The following CSTF3 variants were observed in gnomAD, a reference collection of about 807,000 sequenced individuals.
CSTF3 encodes the protein CF-1 77 kDa subunit.
In CSTF3, 29 loss-of-function variants were observed where a neutral mutation model predicts 105.8. The ratio of observed to expected loss-of-function variants is 0.27; its 90% CI spans 0.20 to 0.37. CSTF3 has a LOEUF of 0.37. Among genes scored for constraint, CSTF3 ranks in the 10% least tolerant of loss-of-function variants. The pLI is 1.00. For synonymous variants in CSTF3, 252 were observed against 281.9 expected, an observed-to-expected ratio of 0.89 and a Z score of 1.06; for missense variants, 357 against 879.3, an observed-to-expected ratio of 0.41 and a Z score of 7.51.
intron 7 of CSTF3, 32 bp downstream of exon 7, chr11:33,105,851 T>C: frequency 1.3e-6 from 2 of 1,544,064 alleles, no homozygotes; most frequent in South Asian, 1.2e-5. Context: ...AAATCAACTG[T>C]AGATGTAAAA....
At chr11:33,124,622 C>T (rs1855525044) in intron 3 of CSTF3, among the ~76,000 whole-genome samples, 1 of 152,140 alleles carries the variant, frequency 6.6e-6, no homozygotes, top group Non-Finnish European at 1.5e-5. Context: ...TGAAAACTTT[C>T]ATTGGAACAG....
intron 3 of CSTF3, among the ~76,000 whole-genome samples, chr11:33,131,229 G>T (rs1486977571): frequency 6.6e-6 from 1 of 152,062 alleles, no homozygotes; most frequent in African/African-American, 2.4e-5. Context: ...GGATAACCTG[G>T]CTACACAGAA....
At chr11:33,095,798 G>A (rs1855215454) in intron 15 of CSTF3, among the ~76,000 whole-genome samples, 2 of 142,116 alleles carry the variant, frequency 1.4e-5, no homozygotes, top group Admixed American at 7.3e-5. Context: ...CTCCAGCCTG[G>A]GCGACAGCGA....
chr11:33,092,547 AG>A (rs1312287462), intron 15 of CSTF3, among the ~76,000 whole-genome samples: 1 of 152,232 alleles, frequency 6.6e-6, no homozygotes, highest in African/African-American at 2.4e-5. Flanking sequence ...GTAGCAGAGC[AG>A]TAACTGCAAG....
At position 33,107,982 on chromosome 11, in the gene CSTF3, T is replaced by C; in HGVS notation, c.277A>G (p.Met93Val). The C allele has an allele frequency of 6.2e-7, 1 of 1,606,976 alleles. No homozygotes were observed. Among genetic ancestry groups the C allele is most frequent in the Non-Finnish European group, 8.5e-7 (1 of 1,175,990 alleles). The change falls in exon 5 of 21, where the codon ATG becomes GTG. Residue 93 changes from methionine (M) to valine (V), a missense_variant. Coordinates refer to ENST00000323959, the MANE Select transcript of CSTF3 (RefSeq NM_001326.3). ...CATAAATCAATGTGCAAAACCTTCATAAGGCATCTCTGAAATAGCTTTAAA... is the reference window on the plus strand; with the variant it reads ...CATAAATCAATGTGCAAAACCTTCACAAGGCATCTCTGAAATAGCTTTAAA... ...KVEKLFQRCL[M>V]KVLHIDLWKC...
At chr11:33,150,595 G>A (rs373827161) in intron 1 of CSTF3, among the ~76,000 whole-genome samples, 1 of 152,154 alleles carries the variant, frequency 6.6e-6, no homozygotes, top group African/African-American at 2.4e-5. Flanking sequence ...AGTGGCTCAC[G>A]CCTATAATCC....
At chr11:33,116,381 G>C (rs1855431187) in intron 3 of CSTF3, among the ~76,000 whole-genome samples, 1 of 152,128 alleles carries the variant, frequency 6.6e-6, no homozygotes, top group African/African-American at 2.4e-5. Context: ...TTTTGTGTAT[G>C]CTCTATGTCC....
At chr11:33,089,004 G>GT (rs1565001129) in intron 17 of CSTF3, among the ~76,000 whole-genome samples, 1 of 152,204 alleles carries the variant, frequency 6.6e-6, no homozygotes, top group Non-Finnish European at 1.5e-5. Flanking sequence ...ACAAAGTACA[G>GT]TAAGTCCCTC....
At chr11:33,091,690 T>C (rs1855170627) in intron 16 of CSTF3, among the ~76,000 whole-genome samples, 1 of 152,150 alleles carries the variant, frequency 6.6e-6, no homozygotes, top group Non-Finnish European at 1.5e-5. Flanking sequence ...TATCAATTTC[T>C]AGGGAGAGAG....
chr11:33,118,326 G>T (rs1855454388), intron 3 of CSTF3, among the ~76,000 whole-genome samples: 1 of 151,718 alleles, frequency 6.6e-6, no homozygotes, highest in African/African-American at 2.4e-5. Flanking sequence ...GCTCAGATTT[G>T]ATTTTGTCCC....
chr11:33,131,526 A>T (rs1855598649), intron 3 of CSTF3, among the ~76,000 whole-genome samples: 1 of 152,128 alleles, frequency 6.6e-6, no homozygotes, highest in African/African-American at 2.4e-5. Context: ...ATGGAGGAAA[A>T]ATCTAAGCAT....
Position 33,099,147 on chromosome 11 carries a change from T to C in CSTF3, c.940A>G (p.Met314Val). ...TCACTAAATAATTTGGCATTATTCA[T>C]ATCCTGGTAGAAAAAAAAGAAAGCT... ...SSKLLAEKGD[M>V]NNAKLFSDEA... The change falls in exon 12 of 21, where the codon ATG becomes GTG. Residue 314 changes from methionine (M) to valine (V), a missense_variant. By Grantham distance (21) the Met-to-Val change is conservative. Around this residue, in one of 4 missense-constraint regions of CSTF3, gnomAD observed 206 missense variants for 576.5 expected, o/e 0.36. Coordinates refer to ENST00000323959, the MANE Select transcript of CSTF3 (RefSeq NM_001326.3). This position sits in a 1 kb window ranked among gnomAD's most constrained non-coding sequence, Gnocchi z 4.1. The C allele has an allele frequency of 6.4e-7, 1 of 1,574,426 alleles. No homozygotes were observed. Among genetic ancestry groups the C allele is most frequent in the Non-Finnish European group, 8.5e-7 (1 of 1,171,392 alleles).
Position 33,102,165 on chromosome 11 carries a change from T to A in CSTF3, c.826+12A>T. 6.2e-7 allele frequency: 1 copy of A among 1,612,096 alleles called. No homozygotes were observed. Among genetic ancestry groups the A allele is most frequent in the Non-Finnish European group, 8.5e-7 (1 of 1,178,962 alleles). On this transcript the variant is annotated intron_variant, in intron 10 of 20. Coordinates refer to ENST00000323959, the MANE Select transcript of CSTF3 (RefSeq NM_001326.3). ...CATGTAACTGAAGTCCCATGAGGGT[T>A]AATCATGTTACCTCTTTTTGTTATA...
At chr11:33,113,937 T>C (rs1855406049) in intron 3 of CSTF3, among the ~76,000 whole-genome samples, 1 of 152,040 alleles carries the variant, frequency 6.6e-6, no homozygotes, top group South Asian at 2.1e-4. Context: ...GTAAAACAAG[T>C]ATAACATGAT....
intron 3 of CSTF3, among the ~76,000 whole-genome samples, chr11:33,113,898 A>G (rs750244278): frequency 2.6e-5 from 4 of 152,128 alleles, no homozygotes; most frequent in African/African-American, 9.7e-5. Flanking sequence ...TCTGTTTAAA[A>G]AAAAAAATCA....
Position 33,084,928 on chromosome 11 carries a change from G to T in CSTF3, c.*159C>A, listed in dbSNP as rs749553433. 1.2e-5 allele frequency: 9 copies of T among 768,804 alleles called. No individual in the cohort carries two copies. The South Asian group carries it at 1.3e-4, about 11-fold the overall frequency. The allele number at this position is 768,804 out of a possible 1,614,324, so 47.6% of individuals were successfully genotyped here. On this transcript the variant is annotated 3_prime_UTR_variant, in exon 21 of 21. Coordinates refer to ENST00000323959, the MANE Select transcript of CSTF3 (RefSeq NM_001326.3). ...TGTTCCGTATTCTAAAATTCACACA[G>T]GTTGGTTTGTTTTTTCTCAAGAACC...
At chr11:33,121,894 T>C (rs1416604144) in intron 3 of CSTF3, among the ~76,000 whole-genome samples, 1 of 152,172 alleles carries the variant, frequency 6.6e-6, no homozygotes, top group East Asian at 1.9e-4. Flanking sequence ...TATCAAAAGC[T>C]GTGACATGTA....
intron 17 of CSTF3, among the ~76,000 whole-genome samples, chr11:33,090,302 AG>A (rs1209043207): frequency 6.6e-6 from 1 of 152,186 alleles, no homozygotes; most frequent in Non-Finnish European, 1.5e-5. Flanking sequence ...TGACAATTTC[AG>A]GGACAGAATG....
chr11:33,112,735 CTT>C (rs1855392440), intron 3 of CSTF3, among the ~76,000 whole-genome samples: 1 of 152,078 alleles, frequency 6.6e-6, no homozygotes, highest in Non-Finnish European at 1.5e-5. Context: ...ATGAAAACAT[CTT>C]AGCTATAAGT....
Sources: allele counts gnomAD v4.1 joint callset (sites outside exome capture counted in the v4.1 genomes callset), GRCh38; gene constraint gnomAD v4.1.1; regional missense constraint gnomAD v4.1.1; non-coding constraint Gnocchi (gnomAD v3.1); transcripts MANE v1.5; gene names NCBI Gene and HGNC (gene_info 2026-07-23, HGNC 2026-07-21).